KLHDC4: variants seen among roughly 807,000 people sequenced by gnomAD.
KLHDC4 encodes the protein kelch domain containing 4, also known as kelch domain-containing protein 4.
In KLHDC4, 90 loss-of-function variants were observed where a neutral mutation model predicts 62.4. The observed-to-expected ratio is 1.44, with a 90% CI of 1.22 to 1.72. The LOEUF (loss-of-function observed/expected upper bound fraction) is 1.72. Among genes scored for constraint, KLHDC4 ranks in the 40% most tolerant of loss-of-function variants. The probability of loss-of-function intolerance (pLI) is 0.00; values close to 1 mark genes in which losing one functional copy is unlikely to be tolerated. For synonymous variants in KLHDC4, 386 were observed against 284.4 expected (o/e 1.36, Z -3.59); for missense variants, 1,025 against 699.7 (o/e 1.47, Z -5.25).
At chr16:87,764,602 CG>C (rs1391841125) in intron 1 of KLHDC4, among the ~76,000 whole-genome samples, 1 of 129,032 alleles carries the variant, frequency 7.8e-6, no homozygotes, top group Non-Finnish European at 1.5e-5. Context: ...GAGCTGAGAT[CG>C]CACCATTGCA....
chr16:87,761,131 G>C (rs2045829262), intron 2 of KLHDC4, among the ~76,000 whole-genome samples: 1 of 152,212 alleles, frequency 6.6e-6, no homozygotes, highest in Non-Finnish European at 1.5e-5. Flanking sequence ...AATCCTAATG[G>C]ACATGAAGTG....
chr16:87,723,428 G>A (rs1304646151), intron 7 of KLHDC4, among the ~76,000 whole-genome samples: 1 of 152,248 alleles, frequency 6.6e-6, no homozygotes, highest in South Asian at 2.1e-4. Context: ...TGATGAAAGC[G>A]ATACAGCTTA....
At chr16:87,765,493 G>A (rs2034777116) in intron 1 of KLHDC4, among the ~76,000 whole-genome samples, 1 of 152,116 alleles carries the variant, frequency 6.6e-6, no homozygotes, top group Non-Finnish European at 1.5e-5. Context: ...GGAGGGTGGA[G>A]GGAGAAGGGA....
downstream of KLHDC4, among the ~76,000 whole-genome samples, chr16:87,704,499 G>A (rs190187190): frequency 4.7e-5 from 5 of 106,060 alleles, no homozygotes; most frequent in East Asian, 3.6e-4. Flanking sequence ...GGTCCTGAAC[G>A]TCACGGGGAA....
intron 9 of KLHDC4, chr16:87,710,856 C>A (rs576621907): frequency 1.5e-4 from 29 of 193,534 alleles, no homozygotes; most frequent in African/African-American, 6.2e-4. Context: ...TGGACAGCAG[C>A]TATGCTCACG....
chr16:87,713,565 C>A (rs2036312444), intron 8 of KLHDC4, among the ~76,000 whole-genome samples: 1 of 152,104 alleles, frequency 6.6e-6, no homozygotes, highest in Non-Finnish European at 1.5e-5. Context: ...CACCCCCATC[C>A]CCCCGCCCAT....
chr16:87,762,063 C>T lies in KLHDC4; in HGVS notation c.100-23G>A, dbSNP rs371238290. On this transcript the variant is annotated intron_variant, in intron 1 of 11. Coordinates refer to ENST00000270583, the MANE Select transcript of KLHDC4 (RefSeq NM_017566.4). ...TTCCTAGGGCAAGCAAGCAGGCACACGTGAGACTTATTCCCAGGACCCGCC... is the reference window on the plus strand; with the variant it reads ...TTCCTAGGGCAAGCAAGCAGGCACATGTGAGACTTATTCCCAGGACCCGCC... 28 of 1,610,628 alleles carry T rather than the reference C, an allele frequency of 1.7e-5. No individual in the cohort carries two copies. In the African/African-American group the frequency reaches 2.4e-4, roughly 14 times the overall value.
intron 2 of KLHDC4, among the ~76,000 whole-genome samples, chr16:87,759,360 G>A (rs768192631): frequency 1.4e-4 from 21 of 151,770 alleles, no homozygotes; most frequent in Non-Finnish European, 2.8e-4. Flanking sequence ...AGAGGTTGCA[G>A]TGAGCTGAGA....
At chr16:87,710,041 C>T (rs1406804018) in intron 9 of KLHDC4, 3 of 209,024 alleles carry the variant, frequency 1.4e-5, no homozygotes, top group Non-Finnish European at 2.9e-5. Context: ...AGTGCTGGCT[C>T]CCAGAAGGGC....
chr16:87,701,905 G>A (rs2034161254), exon 14 of KLHDC4: 1 of 456,336 alleles, frequency 2.2e-6, no homozygotes, highest in Non-Finnish European at 4.4e-6. Context: ...GGGCTCTGCT[G>A]TGCACGTGCT....
At chr16:87,709,876 C>T in intron 9 of KLHDC4, 1 of 612,644 alleles carries the variant, frequency 1.6e-6, no homozygotes, top group South Asian at 2.2e-5. Context: ...TCGCCGTTCA[C>T]TCCTGGGCTG....
Position 87,755,223 on chromosome 16 carries a change from T to C in KLHDC4, c.340A>G (p.Ser114Gly). Reference protein sequence around the residue: ...KDTWTKVDIPSPPPRRCAHQA... With the variant: ...KDTWTKVDIPGPPPRRCAHQA... Reference sequence around the variant, plus strand: ...TGAGCACAGCGCCTCGGAGGTGGACTGGGGATGTCAACTTTGGTCCAGGTG... The same window carrying C: ...TGAGCACAGCGCCTCGGAGGTGGACCGGGGATGTCAACTTTGGTCCAGGTG... Residue 114 changes from serine (S) to glycine (G), a missense_variant, in exon 4 of 12, where the codon AGT becomes GGT. Coordinates refer to ENST00000270583, the MANE Select transcript of KLHDC4 (RefSeq NM_017566.4). 6.2e-7 allele frequency: 1 copy of C among 1,611,634 alleles called. No homozygotes were observed. The highest frequency in any genetic ancestry group is 1.3e-5 in the African/African-American group (1 of 74,986).
At chr16:87,745,116 G>A (rs1186822129) in intron 5 of KLHDC4, among the ~76,000 whole-genome samples, 1 of 152,212 alleles carries the variant, frequency 6.6e-6, no homozygotes, top group Non-Finnish European at 1.5e-5. Flanking sequence ...TAAACTTGGG[G>A]GTCAGGGGAC....
In KLHDC4 at chr16:87,723,116, C is replaced by T. The variant is rs550807904; in HGVS notation, c.759+3649G>A. Among the ~76,000 whole-genome samples, 6 of 152,326 alleles carry T rather than the reference C, an allele frequency of 3.9e-5. No individual in the cohort carries two copies. In the East Asian group the frequency reaches 9.6e-4, roughly 24 times the overall value. The stretch of plus-strand genomic sequence containing the variant: ...CTTCCCCCAGCCCCAAGCTCAGGTA[C>T]GGGCCATGTACCAAAGTTTCTATCA... On this transcript the variant is annotated intron_variant, in intron 7 of 11. Coordinates refer to ENST00000270583, the MANE Select transcript of KLHDC4 (RefSeq NM_017566.4).
At chr16:87,760,244 A>G (rs1261372258) in intron 2 of KLHDC4, among the ~76,000 whole-genome samples, 6 of 151,188 alleles carry the variant, frequency 4.0e-5, no homozygotes, top group Admixed American at 1.3e-4. Context: ...TAAAAAAAAA[A>G]AAAAAGAAAA....
chr16:87,714,582 G>C lies in KLHDC4; in HGVS notation c.760-9C>G. ...ACGTCTTTCTTAACTCTCTGCAATG[G>C]AAAGGAATTGTGTGAGAACCGGGGG... On this transcript the variant is annotated splice_polypyrimidine_tract_variant and intron_variant, in intron 7 of 11. Coordinates refer to ENST00000270583, the MANE Select transcript of KLHDC4 (RefSeq NM_017566.4). The C allele has an allele frequency of 1.2e-6, 2 of 1,614,064 alleles. No individual in the cohort carries two copies. The highest frequency in any genetic ancestry group is 1.7e-6 in the Non-Finnish European group (2 of 1,179,920).
chr16:87,721,401 G>A lies in KLHDC4; in HGVS notation c.759+5364C>T, dbSNP rs1344611481. Among the ~76,000 whole-genome samples, 42 of 138,660 alleles carry A rather than the reference G, an allele frequency of 3.0e-4. 1 individual carries two copies. The highest frequency in any genetic ancestry group is 1.4e-3 in the South Asian group (6 of 4,344). 91.0% of individuals were successfully genotyped at this position (138,660 alleles called of 152,430 possible). A position where few individuals can be genotyped will look rare whatever the true frequency, so the allele number is the denominator to read the frequency against. ...TGCACTCCAGCCTGGGGGATAGAGC[G>A]AGACTCTGTCTCTAAAAAAAAAAAA... On this transcript the variant is annotated intron_variant, in intron 7 of 11. Transcript: ENST00000270583.
At chr16:87,759,272 C>T (rs2045500210) in intron 2 of KLHDC4, among the ~76,000 whole-genome samples, 1 of 151,934 alleles carries the variant, frequency 6.6e-6, no homozygotes, top group South Asian at 2.1e-4. Flanking sequence ...CAGTGGCTCA[C>T]ACCTGTAATC....
chr16:87,723,123 T>G (rs1482473473), intron 7 of KLHDC4, among the ~76,000 whole-genome samples: 1 of 152,222 alleles, frequency 6.6e-6, no homozygotes, highest in South Asian at 2.1e-4. Flanking sequence ...GTACGGGCCA[T>G]GTACCAAAGT....
Sources: allele counts gnomAD v4.1 joint callset (sites outside exome capture counted in the v4.1 genomes callset), GRCh38; gene constraint gnomAD v4.1.1; transcripts MANE v1.5; gene names NCBI Gene and HGNC (gene_info 2026-07-23, HGNC 2026-07-21).